The following RBMS3 variants were observed in gnomAD, a reference collection of about 807,000 sequenced individuals.
RBMS3 encodes the protein RNA binding motif single stranded interacting protein 3, also known as RNA-binding motif, single-stranded-interacting protein 3.
RBMS3 carries 27 observed loss-of-function variants against 66.8 expected under a neutral mutation model. That is an observed-to-expected ratio of 0.40 (90% CI 0.30 to 0.56). The LOEUF is 0.56. Ranked by LOEUF, RBMS3 falls within the 20% of genes least tolerant of loss-of-function variation. The pLI, the probability that RBMS3 is intolerant of heterozygous loss-of-function variation, is 0.40. For synonymous variants in RBMS3, 188 were observed against 183.0 expected (o/e 1.03, Z -0.22); for missense variants, 513 against 549.5 (o/e 0.93, Z 0.66).
chr3:29,734,670 T>C (rs917188717), intron 4 of RBMS3, among the ~76,000 whole-genome samples: 4 of 152,104 alleles, frequency 2.6e-5, no homozygotes, highest in Non-Finnish European at 5.9e-5. Flanking sequence ...GCAGTTCTAC[T>C]CAAAGTTTGT....
chr3:29,520,683 A>G (rs1225703103), intron 3 of RBMS3, among the ~76,000 whole-genome samples: 1 of 152,186 alleles, frequency 6.6e-6, no homozygotes, highest in Non-Finnish European at 1.5e-5. Context: ...TATACAAATT[A>G]ATATGAAGGA....
chr3:29,357,459 T>C (rs111953952), intron 1 of RBMS3, among the ~76,000 whole-genome samples: 12,095 of 152,260 alleles, frequency 0.079, 635 homozygotes, highest in Non-Finnish European at 0.12. Context: ...TGGTGGACAT[T>C]TGGGTTGGTT....
intron 1 of RBMS3, among the ~76,000 whole-genome samples, chr3:29,376,499 G>A (rs570881570): frequency 5.3e-5 from 8 of 152,282 alleles, no homozygotes; most frequent in Admixed American, 2.6e-4. Context: ...GGCCGGGTGC[G>A]GTGGTTCACG....
chr3:29,472,453 C>T (rs2042767135), intron 2 of RBMS3, among the ~76,000 whole-genome samples: 1 of 152,134 alleles, frequency 6.6e-6, no homozygotes, highest in Non-Finnish European at 1.5e-5. Context: ...ACCTTGGCCT[C>T]CCACAGTGCT....
At chr3:29,285,811 T>C (rs376562864) in intron 1 of RBMS3, among the ~76,000 whole-genome samples, 28 of 151,988 alleles carry the variant, frequency 1.8e-4, no homozygotes, top group African/African-American at 6.8e-4. Context: ...AAAACACAAG[T>C]AGGTGAAGGA....
intron 3 of RBMS3, among the ~76,000 whole-genome samples, chr3:29,545,965 T>A (rs1349262651): frequency 6.6e-6 from 1 of 151,908 alleles, no homozygotes; most frequent in Non-Finnish European, 1.5e-5. Flanking sequence ...TTTTAACATT[T>A]GTAATGTTAG....
In RBMS3 at chr3:29,477,335, A is replaced by T. The variant is rs114415850; in HGVS notation, c.249-11106A>T. 4.6e-3 allele frequency among the ~76,000 whole-genome samples: 699 copies of T among 152,096 alleles called. 8 individuals are homozygous for T. The highest frequency in any genetic ancestry group is 0.016 in the African/African-American group (668 of 41,478). ...ATATCACTGTACCTGGACATACTTG[A>T]CTCCCATAGCCATCCTAATCATCTT... On this transcript the variant is annotated intron_variant, in intron 2 of 14. Coordinates refer to ENST00000383767, the MANE Select transcript of RBMS3 (RefSeq NM_001003793.3).
At chr3:29,772,957 G>A (rs934149084) in intron 6 of RBMS3, among the ~76,000 whole-genome samples, 61 of 152,062 alleles carry the variant, frequency 4.0e-4, no homozygotes, top group African/African-American at 1.5e-3. Context: ...TTTATTCAAA[G>A]AAATAAAATA....
intron 2 of RBMS3, among the ~76,000 whole-genome samples, chr3:29,472,406 G>C (rs936250534): frequency 2.0e-5 from 3 of 152,106 alleles, no homozygotes; most frequent in African/African-American, 7.2e-5. Flanking sequence ...ATGTTGATCA[G>C]ACTGGTCTTG....
chr3:29,921,254 G>A (rs1002611855), intron 10 of RBMS3, among the ~76,000 whole-genome samples: 14 of 151,808 alleles, frequency 9.2e-5, no homozygotes, highest in Non-Finnish European at 1.5e-5. Flanking sequence ...AATAGAGACA[G>A]GGTTTCTCCA....
At position 29,857,782 on chromosome 3, in the gene RBMS3, C is replaced by G. The variant is rs60639646; in HGVS notation, c.638-11076C>G. On this transcript the variant is annotated intron_variant, in intron 6 of 14. Transcript: ENST00000383767. ...GACCTCAATCAGACGAGATCGGGCG[C>G]GTTCAGGGTGGTATGGCTGTAGACA... Among the ~76,000 whole-genome samples the G allele has an allele frequency of 2.6e-5, 4 of 151,906 alleles. No homozygotes were observed. In the East Asian group the frequency reaches 5.8e-4, roughly 22 times the overall value.
chr3:29,866,019 T>C (rs969294998), intron 6 of RBMS3, among the ~76,000 whole-genome samples: 37 of 143,052 alleles, frequency 2.6e-4, no homozygotes, highest in African/African-American at 9.7e-4. Context: ...ATTAAATGAA[T>C]GATCTATGTA....
intron 3 of RBMS3, among the ~76,000 whole-genome samples, chr3:29,544,121 C>T (rs1446805419): frequency 6.6e-6 from 1 of 152,064 alleles, no homozygotes; most frequent in Non-Finnish European, 1.5e-5. Flanking sequence ...GAAGAAAACG[C>T]TGATCCAATT....
intron 2 of RBMS3, 75 bp from the exon 3 acceptor site, chr3:29,488,366 G>C: frequency 1.6e-6 from 2 of 1,280,286 alleles, no homozygotes; most frequent in South Asian, 2.5e-5. Context: ...TGTGTGCCCC[G>C]ATGTTCATTA....
chr3:29,754,895 A>C (rs187413678), intron 5 of RBMS3, among the ~76,000 whole-genome samples: 1 of 152,310 alleles, frequency 6.6e-6, no homozygotes, highest in Admixed American at 6.5e-5. Flanking sequence ...AAAATGCCTT[A>C]AACAATTGCC....
chr3:29,806,927 A>C (rs1270076612), intron 6 of RBMS3, among the ~76,000 whole-genome samples: 2 of 151,958 alleles, frequency 1.3e-5, no homozygotes, highest in African/African-American at 4.8e-5. Flanking sequence ...ATATAGTGGC[A>C]ATGGATTTTT....
chr3:29,898,246 T>G (rs2060173222), intron 9 of RBMS3, among the ~76,000 whole-genome samples: 1 of 151,682 alleles, frequency 6.6e-6, no homozygotes, highest in African/African-American at 2.4e-5. Context: ...CAATTCTAAT[T>G]AGAAAACGCC....
chr3:29,976,518 C>T (rs576649999), intron 12 of RBMS3, among the ~76,000 whole-genome samples: 9 of 152,064 alleles, frequency 5.9e-5, no homozygotes, highest in Non-Finnish European at 1.3e-4. Context: ...ATCCATTATA[C>T]ATTCCACTGA....
chr3:29,662,158 GA>G (rs147910130), intron 4 of RBMS3, among the ~76,000 whole-genome samples: 486 of 152,048 alleles, frequency 3.2e-3, no homozygotes, highest in Non-Finnish European at 6.2e-3. Context: ...AACACATAGA[GA>G]AAAAAGAATG....
Sources: allele counts gnomAD v4.1 joint callset (sites outside exome capture counted in the v4.1 genomes callset), GRCh38; gene constraint gnomAD v4.1.1; transcripts MANE v1.5; gene names NCBI Gene and HGNC (gene_info 2026-07-23, HGNC 2026-07-21).